Variants in RBM46 observed in about 807,000 individuals in gnomAD.
The protein encoded by RBM46 is probable RNA-binding protein 46.
In RBM46, 12 loss-of-function variants were observed where a neutral mutation model predicts 43.3. The observed-to-expected ratio is 0.28, with a 90% CI of 0.18 to 0.45. The LOEUF is 0.45. Among genes scored for constraint, RBM46 ranks in the 20% least tolerant of loss-of-function variants. The pLI is 1.00. For missense variants in RBM46, 412 were observed against 639.1 expected (o/e 0.64, Z 3.83); for synonymous variants, 205 against 207.6 (o/e 0.99, Z 0.11).
chr4:154,817,203 G>A (rs139901416), intron 4 of RBM46, among the ~76,000 whole-genome samples: 10 of 151,824 alleles, frequency 6.6e-5, no homozygotes, highest in East Asian at 3.9e-4. Context: ...GTGTTACATC[G>A]TTTTTGAATA....
At chr4:154,790,816 C>T (rs1439176144) in intron 1 of RBM46, among the ~76,000 whole-genome samples, 1 of 152,104 alleles carries the variant, frequency 6.6e-6, no homozygotes, top group Non-Finnish European at 1.5e-5. Flanking sequence ...AGTAAAAGAT[C>T]AGACGGGAGG....
At chr4:154,786,855 G>T (rs977956804) in intron 1 of RBM46, among the ~76,000 whole-genome samples, 4 of 152,046 alleles carry the variant, frequency 2.6e-5, no homozygotes, top group African/African-American at 9.7e-5. Flanking sequence ...TGAACCTGGG[G>T]GGTGGAGGTT....
In RBM46 at chr4:154,799,053, T is replaced by G. The variant is rs1299419245; in HGVS notation, c.891T>G (p.Asp297Glu). Residue 297 changes from aspartate to glutamate, a missense_variant, in exon 4 of 5, where the codon GAT (aspartate) becomes GAG (glutamate). Asp to Glu is a conservative substitution (Grantham distance 45). Coordinates refer to ENST00000281722, the MANE Select transcript of RBM46 (RefSeq NM_144979.5). ...AMSVMNGKCI[D>E]GASIEVTLAK... ...CTGTTATGAATGGAAAATGCATTGATGGAGCAAGTATTGAGGTAACACTAG... is the reference window on the plus strand; with the variant it reads ...CTGTTATGAATGGAAAATGCATTGAGGGAGCAAGTATTGAGGTAACACTAG... The G allele has an allele frequency of 3.1e-6, 5 of 1,613,990 alleles. No individual in the cohort carries two copies. Among genetic ancestry groups the G allele is most frequent in the Non-Finnish European group, 4.2e-6 (5 of 1,180,020 alleles).
At chr4:154,827,760 G>A in intron 4 of RBM46, 108 bp from the exon 5 acceptor site, 1 of 1,557,104 alleles carries the variant, frequency 6.4e-7, no homozygotes, top group Non-Finnish European at 8.7e-7. Context: ...GATTTCCAGT[G>A]TTAGAACATT....
chr4:154,826,240 T>C (rs1452325113), intron 4 of RBM46, among the ~76,000 whole-genome samples: 2 of 151,288 alleles, frequency 1.3e-5, no homozygotes, highest in Admixed American at 1.3e-4. Context: ...GGTGGATCAC[T>C]TGAGGTCAGT....
intron 4 of RBM46, among the ~76,000 whole-genome samples, chr4:154,807,832 G>A (rs563629642): frequency 2.4e-4 from 36 of 151,932 alleles, no homozygotes; most frequent in Non-Finnish European, 1.2e-4. Flanking sequence ...GACAGTATTT[G>A]GTTAGAGATG....
At chr4:154,788,141 G>T (rs1007581545) in intron 1 of RBM46, among the ~76,000 whole-genome samples, 3 of 152,126 alleles carry the variant, frequency 2.0e-5, no homozygotes, top group African/African-American at 7.2e-5. Context: ...TAGGTTGCCT[G>T]TTCACTCTGA....
At chr4:154,781,570 C>A in intron 1 of RBM46, 134 bp downstream of exon 1, 1 of 152,584 alleles carries the variant, frequency 6.6e-6, no homozygotes, top group Non-Finnish European at 1.5e-5. Context: ...TCGTCCTTCC[C>A]CAGCCCCGTC....
chr4:154,785,903 C>T (rs1042446672), intron 1 of RBM46, among the ~76,000 whole-genome samples: 1 of 152,088 alleles, frequency 6.6e-6, no homozygotes, highest in Non-Finnish European at 1.5e-5. Context: ...CATCTAAGGT[C>T]CACTTGCAGT....
rs70947182 is a variant in RBM46, at chr4:154,811,669, CTGTG to C, written c.1402+12134_1402+12137del. On this transcript the variant is annotated intron_variant, in intron 4 of 4. Transcript: ENST00000281722. ...ATAGGATATGTGTGTGTGTGTGTGT[CTGTG>C]TGTGTGTGTGTGTGTGTGTGTGTGT... Among the ~76,000 whole-genome samples the C allele has an allele frequency of 6.6e-3, 862 of 130,822 alleles. 5 individuals are homozygous for C. The highest frequency in any genetic ancestry group is 0.018 in the African/African-American group (625 of 35,612). 85.8% of individuals were successfully genotyped at this position (130,822 alleles called of 152,430 possible).
intron 4 of RBM46, among the ~76,000 whole-genome samples, chr4:154,811,392 A>G (rs1258801751): frequency 3.3e-5 from 5 of 152,138 alleles, no homozygotes; most frequent in Admixed American, 3.3e-4. Flanking sequence ...AGGAATGATG[A>G]TAACAGTATC....
At chr4:154,820,908 A>T (rs1190109155) in intron 4 of RBM46, among the ~76,000 whole-genome samples, 1 of 151,864 alleles carries the variant, frequency 6.6e-6, no homozygotes, top group African/African-American at 2.4e-5. Context: ...TTGAGTCAAG[A>T]TTATTACCTC....
intron 4 of RBM46, among the ~76,000 whole-genome samples, chr4:154,819,847 A>G (rs1293322090): frequency 6.6e-6 from 1 of 152,154 alleles, no homozygotes; most frequent in African/African-American, 2.4e-5. Flanking sequence ...ACTAAATTAG[A>G]TTTCAAGTAG....
intron 1 of RBM46, chr4:154,782,008 GA>G (rs1733505324): frequency 6.6e-6 from 1 of 152,334 alleles, no homozygotes; most frequent in African/African-American, 2.4e-5. Context: ...CGTTTGCGTG[GA>G]GTTCTAGCCG....
intron 4 of RBM46, among the ~76,000 whole-genome samples, chr4:154,825,260 A>G (rs1204910370): frequency 2.6e-5 from 4 of 152,100 alleles, no homozygotes; most frequent in East Asian, 1.9e-4. Context: ...ATTTTCTGAA[A>G]ATTAGAATTT....
chr4:154,793,006 C>T (rs1181609327), intron 1 of RBM46, among the ~76,000 whole-genome samples: 4 of 152,248 alleles, frequency 2.6e-5, no homozygotes, highest in Non-Finnish European at 5.9e-5. Context: ...TCCTACTCAC[C>T]AATGATAACT....
intron 1 of RBM46, among the ~76,000 whole-genome samples, chr4:154,782,728 G>T (rs1013425809): frequency 1.3e-5 from 2 of 152,126 alleles, no homozygotes; most frequent in East Asian, 3.9e-4. Context: ...TGATCCACCC[G>T]CTTCGGCCTC....
chr4:154,804,283 A>T (rs551199095), intron 4 of RBM46, among the ~76,000 whole-genome samples: 1 of 152,324 alleles, frequency 6.6e-6, no homozygotes, highest in African/African-American at 2.4e-5. Context: ...AATATTTGCT[A>T]TATGGAGATA....
At chr4:154,827,082 TACAC>T in intron 4 of RBM46, 2 of 1,124,270 alleles carry the variant, frequency 1.8e-6, no homozygotes, top group Middle Eastern at 3.8e-4. Context: ...GTCTGTAATA[TACAC>T]ACACACATAT....
Sources: gnomAD v4.1 joint callset for allele counts (sites outside exome capture counted in the v4.1 genomes callset) on GRCh38, gnomAD v4.1.1 for gene constraint, MANE v1.5 for transcripts, NCBI Gene and HGNC (gene_info 2026-07-23, HGNC 2026-07-21) for gene names.